Variants in LRP2 observed in about 807,000 individuals in gnomAD.
LRP2 encodes the protein low-density lipoprotein receptor-related protein 2.
A neutral mutation model predicts 531.0 loss-of-function variants in LRP2; 172 were observed. The ratio of observed to expected loss-of-function variants is 0.32; its 90% CI spans 0.29 to 0.37. The LOEUF (loss-of-function observed/expected upper bound fraction) is 0.37, where lower values mean the gene tolerates loss of function less well. Ranked by LOEUF, LRP2 falls within the 10% of genes least tolerant of loss-of-function variation. The pLI is 1.00. For synonymous variants in LRP2, 1,992 were observed against 2,027.6 expected (o/e 0.98, Z 0.47); for missense variants, 5,167 against 5,868.3 (o/e 0.88, Z 3.90).
chr2:169,167,274 T>C (rs985152434), intron 61 of LRP2, among the ~76,000 whole-genome samples: 2 of 152,202 alleles, frequency 1.3e-5, no homozygotes, highest in Non-Finnish European at 1.5e-5. Flanking sequence ...CTGTGAAATA[T>C]AATGAACACT....
At chr2:169,338,661 C>T (rs1685486359) in intron 1 of LRP2, among the ~76,000 whole-genome samples, 1 of 152,170 alleles carries the variant, frequency 6.6e-6, no homozygotes, top group Non-Finnish European at 1.5e-5. Flanking sequence ...TTCCTTCTTC[C>T]ATTCTGCCCA....
At position 169,142,738 on chromosome 2, in the gene LRP2, T is replaced by A. The variant is rs143254052; in HGVS notation, c.13044A>T (p.Gly4348=). 1.5e-5 allele frequency: 25 copies of A among 1,613,958 alleles called. No homozygotes were observed. In the African/African-American group the frequency reaches 3.1e-4, roughly 20 times the overall value. The change falls in exon 71 of 79, where the codon GGA becomes GGT. Residue 4348 remains glycine, a synonymous_variant. Coordinates refer to ENST00000649046, the MANE Select transcript of LRP2 (RefSeq NM_004525.3). ...CSHLCLLRPG[G]YSCACPQGSS... ...AGCCTTGGGGACAGGCACAGCTGTATCCTCCAGGTCTCAGAAGGCAGAGGT... is the reference window on the plus strand; with the variant it reads ...AGCCTTGGGGACAGGCACAGCTGTAACCTCCAGGTCTCAGAAGGCAGAGGT...
At chr2:169,336,064 TA>T (rs943483116) in intron 1 of LRP2, among the ~76,000 whole-genome samples, 129 of 151,888 alleles carry the variant, frequency 8.5e-4, no homozygotes, top group African/African-American at 3.0e-3. Flanking sequence ...CCTAATTCTC[TA>T]AACTTTCTCT....
At chr2:169,226,969 A>C (rs763872823) in intron 31 of LRP2, among the ~76,000 whole-genome samples, 6 of 152,012 alleles carry the variant, frequency 3.9e-5, no homozygotes, top group Non-Finnish European at 8.8e-5. Context: ...AGGAGAGTTG[A>C]GTTTTGAAAA....
At chr2:169,332,045 C>A (rs1246417921) in intron 1 of LRP2, among the ~76,000 whole-genome samples, 2 of 152,180 alleles carry the variant, frequency 1.3e-5, no homozygotes, top group Non-Finnish European at 2.9e-5. Context: ...AAGTGTTGAA[C>A]CATAAATCAA....
intron 4 of LRP2, among the ~76,000 whole-genome samples, chr2:169,297,258 T>C (rs1031461895): frequency 6.6e-6 from 1 of 152,172 alleles, no homozygotes; most frequent in Non-Finnish European, 1.5e-5. Flanking sequence ...TAATTCACAA[T>C]CCTTTGAGCT....
chr2:169,139,565 T>G lies in LRP2; in HGVS notation c.13245A>C (p.Ser4415=), dbSNP rs1185675030. Residue 4415 remains serine (S), a synonymous_variant, in exon 73 of 79, where the codon TCA becomes TCC. Transcript: ENST00000649046. ...YTGKYCEMAF[S]KGISPGTTAV... ...TACTTGTTCCTGGAGAGATGCCTTT[T>G]GAAAACGCCATTTCACAATATTTTC... The G allele has an allele frequency of 1.9e-6, 3 of 1,614,216 alleles. No homozygotes were observed. Among genetic ancestry groups the G allele is most frequent in the Non-Finnish European group, 2.5e-6 (3 of 1,180,032 alleles).
intron 49 of LRP2, 75 bp from the exon 50 acceptor site, chr2:169,186,094 T>C: frequency 1.5e-6 from 2 of 1,327,596 alleles, no homozygotes; most frequent in Middle Eastern, 1.8e-4. Context: ...AAAGTCAACA[T>C]TTCTACTAAA....
intron 48 of LRP2, 34 bp downstream of exon 48, chr2:169,191,798 G>A (rs150068429): frequency 3.3e-5 from 52 of 1,591,480 alleles, no homozygotes; most frequent in African/African-American, 3.1e-4. Context: ...GGACATTTGA[G>A]GCATGCTGGG....
intron 11 of LRP2, among the ~76,000 whole-genome samples, chr2:169,279,974 T>C (rs1683657784): frequency 6.6e-6 from 1 of 152,232 alleles, no homozygotes; most frequent in South Asian, 2.1e-4. Context: ...ATTTAGAAGA[T>C]GCAGGTAAAA....
At chr2:169,267,482 G>A (rs1328962592) in intron 16 of LRP2, among the ~76,000 whole-genome samples, 1 of 152,174 alleles carries the variant, frequency 6.6e-6, no homozygotes, top group African/African-American at 2.4e-5. Context: ...CACGGAAACT[G>A]AACAACGTGC....
chr2:169,220,557 T>A lies in LRP2; in HGVS notation c.5545A>T (p.Thr1849Ser). ...CTGTATCTGATATCTCCGTGGAGTG[T>A]CAAAACCTATAGCATAAAATCACTT... is the stretch of plus-strand genomic sequence containing the variant. ...NPRTQSIEVL[T>S]LHGDIRYRKT... The change falls in exon 34 of 79, where the codon ACA becomes TCA. Residue 1849 changes from threonine to serine, a missense_variant. Thr to Ser is a moderately conservative substitution (Grantham distance 58, BLOSUM62 1). This residue lies in a region of LRP2 where 2,811 missense variants were observed against 3,058.0 expected (regional missense o/e 0.92). Coordinates refer to ENST00000649046, the MANE Select transcript of LRP2 (RefSeq NM_004525.3). 1 of 1,605,592 alleles carries A rather than the reference T, an allele frequency of 6.2e-7. No homozygotes were observed. Among genetic ancestry groups the A allele is most frequent in the Non-Finnish European group, 8.5e-7 (1 of 1,172,950 alleles).
chr2:169,313,188 G>A (rs1001756884), intron 3 of LRP2, among the ~76,000 whole-genome samples: 6 of 152,046 alleles, frequency 3.9e-5, no homozygotes, highest in African/African-American at 7.2e-5. Context: ...ATTACCGATC[G>A]TCTGAAGCCT....
At chr2:169,298,617 G>C (rs1574232718) in intron 4 of LRP2, among the ~76,000 whole-genome samples, 1 of 152,038 alleles carries the variant, frequency 6.6e-6, no homozygotes, top group Non-Finnish European at 1.5e-5. Context: ...CAAGAGGAAG[G>C]GGGGAAGATT....
chr2:169,339,785 C>T (rs1022325336), intron 1 of LRP2, among the ~76,000 whole-genome samples: 23 of 152,098 alleles, frequency 1.5e-4, no homozygotes, highest in East Asian at 3.8e-4. Context: ...TTTTGAAAAA[C>T]GCCAAGCATG....
At chr2:169,139,737 C>A in intron 72 of LRP2, 127 bp from the exon 73 acceptor site, 5 of 828,944 alleles carry the variant, frequency 6.0e-6, no homozygotes, top group South Asian at 2.8e-5. Flanking sequence ...GACAATGTAT[C>A]CTGCATGACT....
chr2:169,174,050 G>A lies in LRP2; in HGVS notation c.10883C>T (p.Ser3628Phe). The A allele has an allele frequency of 1.9e-6, 3 of 1,614,228 alleles. No individual in the cohort carries two copies. The highest frequency in any genetic ancestry group is 2.5e-6 in the Non-Finnish European group (3 of 1,180,038). ...DCEDNSDEDS[S>F]HCASRTCRPG... The stretch of plus-strand genomic sequence containing the variant: ...CCGGCAGGTCCTGCTGGCACAGTGG[G>A]AACTGTCTTCATCTGAGTTATCCTC... The change falls in exon 56 of 79, where the codon TCC becomes TTC. Residue 3628 changes from serine to phenylalanine, a missense_variant. Ser to Phe is a radical substitution (Grantham distance 155, BLOSUM62 -2). This residue lies in a region of LRP2 where 311 missense variants were observed against 309.4 expected (regional missense o/e 1.01). Transcript: ENST00000649046.
rs1689636861 is a variant in LRP2 at position 169,237,161 on chromosome 2, C to T, written c.4633G>A (p.Val1545Met). Residue 1545 changes from valine (V) to methionine (M), a missense_variant, in exon 28 of 79, where the codon GTG becomes ATG. This residue lies in a region of LRP2 where 2,811 missense variants were observed against 3,058.0 expected (regional missense o/e 0.92). Transcript: ENST00000649046. Reference sequence around the variant, plus strand: ...TTTGTTAGGTTTTTACTAATCAGCACAGTCCTGTGGCTCCCATCAATTTTG... The same window carrying T: ...TTTGTTAGGTTTTTACTAATCAGCATAGTCCTGTGGCTCCCATCAATTTTG... ...VSKIDGSHRT[V>M]LISKNLTNPR... 1 of 1,613,894 alleles carries T rather than the reference C, an allele frequency of 6.2e-7. No homozygotes were observed. Among genetic ancestry groups the T allele is most frequent in the South Asian group, 1.1e-5 (1 of 91,084 alleles).
chr2:169,268,019 A>T (rs1347297915), intron 16 of LRP2, among the ~76,000 whole-genome samples: 1 of 152,230 alleles, frequency 6.6e-6, no homozygotes, highest in African/African-American at 2.4e-5. Flanking sequence ...AAATAGATAA[A>T]TTCCTGGACA....
Sources: gnomAD v4.1 joint callset for allele counts (sites outside exome capture counted in the v4.1 genomes callset) on GRCh38, gnomAD v4.1.1 for gene constraint, gnomAD v4.1.1 regional missense constraint, MANE v1.5 for transcripts, NCBI Gene and HGNC (gene_info 2026-07-23, HGNC 2026-07-21) for gene names.